Variants in EFHB observed in about 807,000 individuals in gnomAD.
EFHB encodes the protein EF-hand domain family member B.
A neutral mutation model predicts 87.2 loss-of-function variants in EFHB; 91 were observed. That is an observed-to-expected ratio of 1.04 (90% CI 0.88 to 1.24). The LOEUF (loss-of-function observed/expected upper bound fraction) is 1.24, where lower values mean the gene tolerates loss of function less well. EFHB is among the 50% of genes most tolerant of loss of function. EFHB has a pLI of 0.00. For synonymous variants in EFHB, 325 were observed against 333.6 expected (o/e 0.97, Z 0.28); for missense variants, 1,084 against 998.8 (o/e 1.09, Z -1.15).
intron 1 of EFHB, among the ~76,000 whole-genome samples, chr3:19,945,620 A>G (rs765559775): frequency 2.0e-5 from 3 of 152,206 alleles, no homozygotes; most frequent in Non-Finnish European, 2.9e-5. Context: ...TACTGTTGAC[A>G]TGACAAAACT....
intron 2 of EFHB, 76 bp from the exon 3 acceptor site, chr3:19,920,052 A>G (rs1320598771): frequency 1.3e-6 from 2 of 1,493,180 alleles, no homozygotes; most frequent in Admixed American, 3.8e-5. Flanking sequence ...TATACCAATC[A>G]ACCAACAACC....
intron 5 of EFHB, among the ~76,000 whole-genome samples, chr3:19,906,164 T>C (rs917669719): frequency 6.6e-6 from 1 of 151,968 alleles, no homozygotes; most frequent in Non-Finnish European, 1.5e-5. Context: ...CCGTGTCTTC[T>C]CTAAAAATTC....
chr3:19,901,714 C>T (rs1266615747), intron 6 of EFHB, among the ~76,000 whole-genome samples: 3 of 151,982 alleles, frequency 2.0e-5, no homozygotes, highest in Admixed American at 6.6e-5. Flanking sequence ...TTTGGGAGGT[C>T]GAAGCAGGTG....
chr3:19,939,673 C>T (rs1052299225), intron 1 of EFHB, among the ~76,000 whole-genome samples: 2 of 151,810 alleles, frequency 1.3e-5, no homozygotes, highest in Non-Finnish European at 2.9e-5. Context: ...CGTGAACCAC[C>T]GCACCCGCCC....
intron 7 of EFHB, among the ~76,000 whole-genome samples, chr3:19,899,065 G>GAA (rs1343282961): frequency 6.6e-6 from 1 of 152,048 alleles, no homozygotes; most frequent in Non-Finnish European, 1.5e-5. Context: ...GAATTACAAA[G>GAA]AAAAGCAGAA....
upstream of EFHB, among the ~76,000 whole-genome samples, chr3:19,934,976 T>G (rs9818022): frequency 9.0e-3 from 1,375 of 151,994 alleles, 20 homozygotes; most frequent in African/African-American, 0.031. Flanking sequence ...AGTGGCACAA[T>G]CTGGGCTCAC....
intron 1 of EFHB, 140 bp downstream of exon 1, chr3:19,933,090 G>T (rs1695883745): frequency 4.6e-6 from 5 of 1,093,694 alleles, no homozygotes; most frequent in Non-Finnish European, 6.3e-6. Context: ...AAAGATTCCA[G>T]TGGGGCAAGA....
intron 10 of EFHB, among the ~76,000 whole-genome samples, chr3:19,888,103 C>T (rs563691902): frequency 3.9e-5 from 6 of 152,276 alleles, no homozygotes; most frequent in African/African-American, 1.4e-4. Context: ...TCCTACACTA[C>T]TACAGATATT....
Position 19,884,541 on chromosome 3 carries a change from C to G in EFHB, c.2008G>C (p.Glu670Gln). 1 of 1,613,968 alleles carries G rather than the reference C, an allele frequency of 6.2e-7. No homozygotes were observed. The highest frequency in any genetic ancestry group is 1.1e-5 in the South Asian group (1 of 91,088). The change falls in exon 11 of 13, where the codon GAA becomes CAA. Residue 670 changes from glutamate (E) to glutamine (Q), a missense_variant. By Grantham distance (29) the Glu-to-Gln change is conservative (BLOSUM62 2). Transcript: ENST00000295824. ...CCTGCTTCTTTTAAGACAATATCTT[C>G]TGGCTTTATGAGGAGAGTTTGTTCA... ...EPEQTLLIKP[E>Q]DIVLKEAGST... is the part of the protein sequence containing the mutation.
chr3:19,895,679 AG>A (rs1001558763), intron 9 of EFHB, among the ~76,000 whole-genome samples: 1 of 152,146 alleles, frequency 6.6e-6, no homozygotes, highest in African/African-American at 2.4e-5. Context: ...CAAAGTAAAA[AG>A]GTGTGCATAA....
upstream of EFHB, among the ~76,000 whole-genome samples, chr3:19,934,741 T>C (rs1695969203): frequency 6.6e-6 from 1 of 152,174 alleles, no homozygotes; most frequent in Non-Finnish European, 1.5e-5. Flanking sequence ...TGAACACTTT[T>C]TTTAGGTCCT....
At chr3:19,881,574 T>A (rs183913827) in intron 12 of EFHB, among the ~76,000 whole-genome samples, 3 of 152,266 alleles carry the variant, frequency 2.0e-5, no homozygotes, top group Admixed American at 2.0e-4. Flanking sequence ...ATCTGGAGGT[T>A]TTCTTCTTTG....
chr3:19,895,028 T>C (rs912890402), intron 9 of EFHB: 3 of 146,106 alleles, frequency 2.1e-5, no homozygotes, highest in Non-Finnish European at 3.0e-5. Flanking sequence ...AGTTTTTATA[T>C]ATAAATGTTT....
At chr3:19,901,538 C>T (rs1575010915) in intron 6 of EFHB, among the ~76,000 whole-genome samples, 1 of 152,156 alleles carries the variant, frequency 6.6e-6, no homozygotes. Context: ...ATAAGTAATT[C>T]ATCTCGTTTC....
At chr3:19,940,492 T>C (rs1696131970) in intron 1 of EFHB, 1 of 505,328 alleles carries the variant, frequency 2.0e-6, no homozygotes, top group Non-Finnish European at 4.0e-6. Context: ...CTGTTTGTCT[T>C]CATCGTGAAT....
At chr3:19,898,710 G>A (rs1694565234) in intron 8 of EFHB, 68 bp downstream of exon 8, 1 of 1,461,704 alleles carries the variant, frequency 6.8e-7, no homozygotes, top group Non-Finnish European at 9.6e-7. Flanking sequence ...GAGCTTAACT[G>A]CATAACTTTG....
At chr3:19,887,796 G>A (rs1359273116) in intron 10 of EFHB, among the ~76,000 whole-genome samples, 1 of 152,196 alleles carries the variant, frequency 6.6e-6, no homozygotes, top group East Asian at 1.9e-4. Flanking sequence ...TAAAGATTAT[G>A]CTGTTTTTCC....
chr3:19,944,572 T>C (rs1224425008), intron 1 of EFHB, among the ~76,000 whole-genome samples: 4 of 152,230 alleles, frequency 2.6e-5, no homozygotes, highest in Non-Finnish European at 5.9e-5. Flanking sequence ...CTAAAACTAC[T>C]ACCGGATCTT....
chr3:19,921,520 C>G (rs1253974379), intron 1 of EFHB, among the ~76,000 whole-genome samples: 1 of 151,896 alleles, frequency 6.6e-6, no homozygotes, highest in Non-Finnish European at 1.5e-5. Flanking sequence ...AAGGAAAAAT[C>G]AAGGAGATGA....
Sources: allele counts gnomAD v4.1 joint callset (sites outside exome capture counted in the v4.1 genomes callset), GRCh38; gene constraint gnomAD v4.1.1; transcripts MANE v1.5; gene names NCBI Gene and HGNC (gene_info 2026-07-23, HGNC 2026-07-21).